RFC3: variants seen among roughly 807,000 people sequenced by gnomAD.
The protein encoded by RFC3 is A1 38 kDa subunit.
Under a neutral mutation model 45.1 loss-of-function variants are expected in RFC3, and 41 were observed. That is an observed-to-expected ratio of 0.91 (90% confidence interval 0.71 to 1.18). RFC3 has a LOEUF of 1.18. Ranked by LOEUF, RFC3 falls within the 50% of genes most tolerant of loss-of-function variation. The pLI, the probability that RFC3 is intolerant of heterozygous loss-of-function variation, is 0.00. For missense variants in RFC3, 423 were observed against 428.1 expected (o/e 0.99, Z 0.10); for synonymous variants, 149 against 144.0 (o/e 1.03, Z -0.25).
intron 8 of RFC3, among the ~76,000 whole-genome samples, chr13:33,866,586 A>G (rs1359421319): frequency 6.6e-6 from 1 of 152,228 alleles, no homozygotes; most frequent in Non-Finnish European, 1.5e-5. Context: ...GAGCCACATC[A>G]AAAAGCTGGA....
chr13:33,818,171 G>A lies in RFC3; in HGVS notation c.-8G>A. On this transcript the variant is annotated 5_prime_UTR_variant, in exon 1 of 9. Coordinates refer to ENST00000380071, the MANE Select transcript of RFC3 (RefSeq NM_002915.4). Reference sequence around the variant, plus strand: ...TTCAAGCGTAGGCCCCCGGGAACTCGAGCTGCCATGAGCCTCTGGGTGGAC... The same window carrying A: ...TTCAAGCGTAGGCCCCCGGGAACTCAAGCTGCCATGAGCCTCTGGGTGGAC... The A allele has an allele frequency of 6.2e-7, 1 of 1,611,260 alleles. No homozygotes were observed. Among genetic ancestry groups the A allele is most frequent in the Non-Finnish European group, 8.5e-7 (1 of 1,178,784 alleles).
chr13:33,915,339 T>C (rs1326972584), intron 8 of RFC3, among the ~76,000 whole-genome samples: 1 of 152,190 alleles, frequency 6.6e-6, no homozygotes, highest in Non-Finnish European at 1.5e-5. Context: ...TTCTTGATAT[T>C]ACCAACTGTA....
intron 8 of RFC3, among the ~76,000 whole-genome samples, chr13:33,902,183 G>C (rs746088296): frequency 1.3e-5 from 2 of 152,052 alleles, no homozygotes. Flanking sequence ...ATGGAATATG[G>C]TGAGATTCAT....
chr13:33,825,542 T>C (rs2082041138), intron 3 of RFC3, among the ~76,000 whole-genome samples: 1 of 152,176 alleles, frequency 6.6e-6, no homozygotes, highest in Non-Finnish European at 1.5e-5. Context: ...TTATTAGTAG[T>C]TGCTCTTTTT....
At chr13:33,856,639 C>CT (rs2082310614) in intron 8 of RFC3, among the ~76,000 whole-genome samples, 1 of 152,144 alleles carries the variant, frequency 6.6e-6, no homozygotes, top group Non-Finnish European at 1.5e-5. Flanking sequence ...TTGAGATTGA[C>CT]TCCAGAAAGA....
At chr13:33,948,666 G>A (rs1008312259) in intron 8 of RFC3, among the ~76,000 whole-genome samples, 12 of 152,212 alleles carry the variant, frequency 7.9e-5, no homozygotes, top group African/African-American at 2.9e-4. Context: ...GGGTGGAGCT[G>A]CCCAAGGCCA....
At chr13:33,856,639 C>T (rs1185757513) in intron 8 of RFC3, among the ~76,000 whole-genome samples, 1 of 152,144 alleles carries the variant, frequency 6.6e-6, no homozygotes, top group East Asian at 1.9e-4. Context: ...TTGAGATTGA[C>T]TCCAGAAAGA....
intron 8 of RFC3, among the ~76,000 whole-genome samples, chr13:33,884,664 A>C (rs749809854): frequency 2.6e-5 from 4 of 152,148 alleles, no homozygotes; most frequent in Non-Finnish European, 4.4e-5. Context: ...CACTCTATCG[A>C]ATATTAAATC....
chr13:33,904,756 C>T (rs1291909740), intron 8 of RFC3, among the ~76,000 whole-genome samples: 4 of 152,036 alleles, frequency 2.6e-5, no homozygotes, highest in Non-Finnish European at 4.4e-5. Context: ...AACATGCCCA[C>T]GTCTCCCAGG....
At chr13:33,818,952 G>A (rs1393165292) in intron 1 of RFC3, among the ~76,000 whole-genome samples, 2 of 144,792 alleles carry the variant, frequency 1.4e-5, no homozygotes, top group Non-Finnish European at 3.0e-5. Flanking sequence ...ATGCAATGGC[G>A]CGGTCTCGGC....
chr13:33,818,881 GTTTTTTTTTTTTTTT>G (rs72236854), intron 1 of RFC3, among the ~76,000 whole-genome samples: 1 of 112,040 alleles, frequency 8.9e-6, no homozygotes, highest in African/African-American at 3.4e-5. Flanking sequence ...CCTGAGATTA[GTTTTTTTTTTTTTTT>G]TTTTTTTTTT....
rs756023551 is a variant in RFC3, at chr13:33,831,251, T to C, written c.711-5T>C. On this transcript the variant is annotated splice_polypyrimidine_tract_variant and splice_region_variant and intron_variant, in intron 6 of 8. Coordinates refer to ENST00000380071, the MANE Select transcript of RFC3 (RefSeq NM_002915.4). ...AACTTCTTGTGTTCTCTTTTTGTCA[T>C]GTAGATATCCTTTTACTGCAGATCA... is the stretch of plus-strand genomic sequence containing the variant. 7.7e-6 allele frequency: 12 copies of C among 1,548,946 alleles called. 1 individual carries two copies. The East Asian group carries it at 1.3e-4, about 17-fold the overall frequency.
intron 8 of RFC3, among the ~76,000 whole-genome samples, chr13:33,937,595 T>G (rs1393253333): frequency 6.6e-6 from 1 of 152,160 alleles, no homozygotes; most frequent in Non-Finnish European, 1.5e-5. Flanking sequence ...TTTCCTGTAC[T>G]TTTTTGCTCC....
intron 2 of RFC3, among the ~76,000 whole-genome samples, chr13:33,823,474 G>T (rs934675360): frequency 6.6e-5 from 10 of 152,092 alleles, no homozygotes; most frequent in African/African-American, 1.9e-4. Context: ...GGATTGCCAA[G>T]ATATATTAAG....
intron 1 of RFC3, among the ~76,000 whole-genome samples, chr13:33,818,984 G>T (rs1457375900): frequency 6.8e-6 from 1 of 146,270 alleles, no homozygotes; most frequent in Non-Finnish European, 1.5e-5. Flanking sequence ...TCCGCCTCAC[G>T]GGTTCAAGCG....
At chr13:33,945,321 A>C (rs565118134) in intron 8 of RFC3, among the ~76,000 whole-genome samples, 5 of 152,314 alleles carry the variant, frequency 3.3e-5, no homozygotes, top group African/African-American at 1.2e-4. Context: ...CACTTCATAC[A>C]TGTTAACTCA....
At chr13:33,823,199 C>G (rs904440150) in intron 2 of RFC3, among the ~76,000 whole-genome samples, 1 of 152,036 alleles carries the variant, frequency 6.6e-6, no homozygotes, top group African/African-American at 2.4e-5. Flanking sequence ...AATTGTTAAA[C>G]TGTTTTATGA....
At chr13:33,855,475 A>G (rs2082303191) in intron 8 of RFC3, among the ~76,000 whole-genome samples, 1 of 152,108 alleles carries the variant, frequency 6.6e-6, no homozygotes, top group Admixed American at 6.6e-5. Context: ...AGGATTTATA[A>G]TCCTTTGGTA....
At chr13:33,957,157 G>A (rs2083026981) in intron 8 of RFC3, among the ~76,000 whole-genome samples, 1 of 152,152 alleles carries the variant, frequency 6.6e-6, no homozygotes, top group Non-Finnish European at 1.5e-5. Flanking sequence ...GACTATAAAT[G>A]TGTAGGTTAT....
Sources: allele counts gnomAD v4.1 joint callset (sites outside exome capture counted in the v4.1 genomes callset), GRCh38; gene constraint gnomAD v4.1.1; transcripts MANE v1.5; gene names NCBI Gene and HGNC (gene_info 2026-07-23, HGNC 2026-07-21).